VCF1: variants seen among roughly 807,000 people sequenced by gnomAD.
VCF1 encodes VCP nuclear cofactor family member 1.
At chr17:73,221,499 A>G in the VCF1 span, among the ~76,000 whole-genome samples, 1 of 152,148 alleles carries the variant, frequency 6.6e-6, no homozygotes, top group African/African-American at 2.4e-5. Context: ...ATAGAAAAAA[A>G]TTGATAAAAT....
the VCF1 span, among the ~76,000 whole-genome samples, chr17:73,219,571 A>C: frequency 1.3e-5 from 2 of 151,286 alleles, no homozygotes; most frequent in African/African-American, 4.9e-5. Flanking sequence ...AATGGTGTGA[A>C]CCTGGGGGGC....
chr17:73,216,895 A>G, the VCF1 span, among the ~76,000 whole-genome samples: 1 of 152,218 alleles, frequency 6.6e-6, no homozygotes, highest in Non-Finnish European at 1.5e-5. Context: ...CAGAAACTAA[A>G]CAACTCCAAA....
chr17:73,218,849 C>T, the VCF1 span, among the ~76,000 whole-genome samples: 4 of 152,134 alleles, frequency 2.6e-5, no homozygotes, highest in Non-Finnish European at 4.4e-5. Context: ...GAAACCCCGT[C>T]TCTACTAAAA....
chr17:73,219,667 G>GAA, the VCF1 span, among the ~76,000 whole-genome samples: 153 of 148,526 alleles, frequency 1.0e-3, 1 homozygote, highest in South Asian at 5.6e-3. Flanking sequence ...AAAGAAAAAA[G>GAA]AAAAAAAAAT....
At chr17:73,232,220 C>A in the VCF1 span, 2 of 1,611,318 alleles carry the variant, frequency 1.2e-6, no homozygotes, top group Admixed American at 1.7e-5. Flanking sequence ...CTCTCGCAGC[C>A]GCTCGGGTGG....
chr17:73,209,414 G>A, the VCF1 span: 1 of 1,303,624 alleles, frequency 7.7e-7, no homozygotes, highest in Non-Finnish European at 1.0e-6. Context: ...AATATAGACT[G>A]AAAAGCCAAC....
chr17:73,228,887 T>C, the VCF1 span, among the ~76,000 whole-genome samples: 1 of 152,070 alleles, frequency 6.6e-6, no homozygotes, highest in East Asian at 1.9e-4. Context: ...CAGCTGCTGG[T>C]CCTCACACAC....
the VCF1 span, chr17:73,212,534 G>A: frequency 7.2e-5 from 40 of 552,948 alleles, no homozygotes; most frequent in African/African-American, 7.3e-4. Context: ...TTTACTTAGA[G>A]GCTTAAGAAG....
At chr17:73,207,628 T>C in the VCF1 span, 2 of 1,129,176 alleles carry the variant, frequency 1.8e-6, no homozygotes, top group Non-Finnish European at 2.4e-6. Context: ...TCCCTTTTAG[T>C]TGGGTGGGAA....
chr17:73,212,504 T>C, the VCF1 span, among the ~76,000 whole-genome samples: 2 of 99,696 alleles, frequency 2.0e-5, no homozygotes, highest in East Asian at 6.1e-4. Flanking sequence ...TAGCAGGATT[T>C]GCAGCCAGCT....
the VCF1 span, chr17:73,209,220 A>G: frequency 2.8e-6 from 1 of 359,106 alleles, no homozygotes; most frequent in East Asian, 4.9e-5. Context: ...TTTGGAAATC[A>G]GTCTGAATGG....
chr17:73,232,214 C>G, the VCF1 span: 41 of 1,610,968 alleles, frequency 2.5e-5, no homozygotes, highest in African/African-American at 4.0e-5. Flanking sequence ...CCTTGGCTCT[C>G]GCAGCCGCTC....
the VCF1 span, among the ~76,000 whole-genome samples, chr17:73,211,891 C>G: frequency 1.3e-5 from 2 of 152,092 alleles, no homozygotes; most frequent in Non-Finnish European, 2.9e-5. Context: ...ATTATCTGGG[C>G]GTGGTGGCTC....
At chr17:73,220,894 A>ATTTTTTTTTTTTT in the VCF1 span, among the ~76,000 whole-genome samples, 1 of 96,670 alleles carries the variant, frequency 1.0e-5, no homozygotes, top group Non-Finnish European at 2.0e-5. Flanking sequence ...TTTAATTTAG[A>ATTTTTTTTTTTTT]TTTTTTTTTT....
the VCF1 span, chr17:73,207,372 ATGC>A: frequency 1.6e-5 from 16 of 979,458 alleles, no homozygotes; most frequent in Non-Finnish European, 2.4e-5. Context: ...AAATGCACTA[ATGC>A]TGCTTTTAAT....
the VCF1 span, among the ~76,000 whole-genome samples, chr17:73,217,729 G>A: frequency 7.5e-6 from 1 of 132,596 alleles, no homozygotes; most frequent in Non-Finnish European, 1.8e-5. Context: ...CGAGGCAGGT[G>A]GATTGCCTGA....
At chr17:73,224,334 A>G in the VCF1 span, among the ~76,000 whole-genome samples, 5 of 151,220 alleles carry the variant, frequency 3.3e-5, no homozygotes, top group South Asian at 1.1e-3. Context: ...AGTTCCAGCT[A>G]CTTGGGAGGC....
the VCF1 span, chr17:73,208,931 C>T: frequency 1.4e-5 from 4 of 276,720 alleles, no homozygotes; most frequent in African/African-American, 8.9e-5. Flanking sequence ...AGAGTAGAGA[C>T]TATTATTAGG....
chr17:73,214,416 C>CA, the VCF1 span, among the ~76,000 whole-genome samples: 1 of 151,342 alleles, frequency 6.6e-6, no homozygotes, highest in Non-Finnish European at 1.5e-5. Context: ...TACTGGGTTA[C>CA]AAAATAAAGC....
Sources: allele counts gnomAD v4.1 joint callset (sites outside exome capture counted in the v4.1 genomes callset), GRCh38; gene constraint gnomAD v4.1.1; transcripts MANE v1.5; gene names NCBI Gene and HGNC (gene_info 2026-07-23, HGNC 2026-07-21).